LIFR: variants seen among roughly 807,000 people sequenced by gnomAD.
The protein encoded by LIFR is LIF receptor subunit alpha.
A neutral mutation model predicts 122.2 loss-of-function variants in LIFR; 84 were observed. The observed-to-expected ratio is 0.69, with a 90% confidence interval of 0.58 to 0.82. The LOEUF (loss-of-function observed/expected upper bound fraction) is 0.82, where lower values mean the gene tolerates loss of function less well. Ranked by LOEUF, LIFR falls within the 40% of genes least tolerant of loss-of-function variation. The pLI, the probability that LIFR is intolerant of heterozygous loss-of-function variation, is 0.00. For synonymous variants in LIFR, 422 were observed against 434.7 expected, an observed-to-expected ratio of 0.97 and a Z score of 0.36; for missense variants, 1,294 against 1,311.6, an observed-to-expected ratio of 0.99 and a Z score of 0.21.
At chr5:38,542,822 C>T (rs988923489) in intron 1 of LIFR, among the ~76,000 whole-genome samples, 4 of 152,248 alleles carry the variant, frequency 2.6e-5, no homozygotes, top group African/African-American at 9.6e-5. Context: ...ATCAACTCGT[C>T]CTTCAAATTT....
At chr5:38,505,834 A>ACG in intron 9 of LIFR, 71 bp downstream of exon 9, 1 of 972,680 alleles carries the variant, frequency 1.0e-6, no homozygotes, top group South Asian at 1.8e-5. Flanking sequence ...TAATCCCTAT[A>ACG]AGCATTTTTC....
chr5:38,556,809 G>A (rs993105583), upstream of LIFR: 3 of 149,908 alleles, frequency 2.0e-5, no homozygotes, highest in African/African-American at 7.3e-5. Context: ...CCAAGGAGTC[G>A]GAGGAACGCG....
rs1580051618 is a variant in LIFR at position 38,501,992 on chromosome 5, T to TA, written c.1600+644_1600+645insT. ...CTTTTTTAGTAATTGTTTTTTTTTT[T>TA]TAAAAAAAAGGCCAATGAGTTAAAA... On this transcript the variant is annotated intron_variant, in intron 11 of 19. Coordinates refer to ENST00000453190, the MANE Select transcript of LIFR (RefSeq NM_001127671.2). Among the ~76,000 whole-genome samples the TA allele has an allele frequency of 2.7e-5, 4 of 150,464 alleles. No homozygotes were observed. In the East Asian group the frequency reaches 6.3e-4, roughly 24 times the overall value.
At chr5:38,598,969 C>A (rs993892779), upstream of LIFR, among the ~76,000 whole-genome samples, 2 of 152,142 alleles carry the variant, frequency 1.3e-5, no homozygotes, top group Non-Finnish European at 2.9e-5. Context: ...CTATGATTAT[C>A]CTTATCTTGT....
chr5:38,519,456 G>T (rs1457551051), intron 5 of LIFR, among the ~76,000 whole-genome samples: 1 of 152,042 alleles, frequency 6.6e-6, no homozygotes, highest in African/African-American at 2.4e-5. Flanking sequence ...TATCATTTCT[G>T]TGTTGGGAAC....
At chr5:38,593,552 T>A (rs537889635) in intron 1 of LIFR, among the ~76,000 whole-genome samples, 3 of 152,200 alleles carry the variant, frequency 2.0e-5, no homozygotes, top group African/African-American at 7.2e-5. Context: ...AGGGCTGACA[T>A]AGAAGATGCA....
Position 38,578,497 on chromosome 5 carries a change from C to T in LIFR, c.-20+16764G>A, listed in dbSNP as rs555167371. Among the ~76,000 whole-genome samples, 78 of 152,010 alleles carry T rather than the reference C, an allele frequency of 5.1e-4. 1 individual carries two copies. The highest frequency in any genetic ancestry group is 1.8e-3 in the African/African-American group (74 of 41,466). The stretch of plus-strand genomic sequence containing the variant: ...CTCAGATTATAGGCATGAGACACCA[C>T]GCCCAACCAAGACTACTCATTTTTG... On this transcript the variant is annotated intron_variant, in intron 1 of 19. Transcript: ENST00000263409.
chr5:38,509,440 C>A (rs1242924334), intron 7 of LIFR, among the ~76,000 whole-genome samples: 1 of 152,218 alleles, frequency 6.6e-6, no homozygotes, highest in Admixed American at 6.5e-5. Flanking sequence ...AGCCATCAAG[C>A]TGAGACGAGC....
intron 1 of LIFR, among the ~76,000 whole-genome samples, chr5:38,534,683 T>C (rs920011937): frequency 6.6e-6 from 1 of 152,132 alleles, no homozygotes; most frequent in Non-Finnish European, 1.5e-5. Context: ...GTGGAGGCCA[T>C]ACACAAGGGC....
intron 5 of LIFR, among the ~76,000 whole-genome samples, chr5:38,522,442 GTTGA>G (rs1746453831): frequency 6.6e-6 from 1 of 152,204 alleles, no homozygotes; most frequent in Non-Finnish European, 1.5e-5. Context: ...TTGTAGAGAA[GTTGA>G]GTACGAGGTG....
In LIFR at chr5:38,480,719, T is replaced by C. The variant is rs1743943446; in HGVS notation, c.*876A>G. 1 of 210,100 alleles carries C rather than the reference T, an allele frequency of 4.8e-6. No homozygotes were observed. Among genetic ancestry groups the C allele is most frequent in the Non-Finnish European group, 9.7e-6 (1 of 103,564 alleles). 13.0% of individuals were successfully genotyped at this position (210,100 alleles called of 1,614,324 possible). On this transcript the variant is annotated 3_prime_UTR_variant, in exon 20 of 20. Transcript: ENST00000453190. ...ATAGTAAGTCACTGGAATTACATGC[T>C]TATGAATAATATTGAATTTGCTCAT...
chr5:38,555,834 C>T (rs1385450897), intron 1 of LIFR, among the ~76,000 whole-genome samples: 3 of 152,184 alleles, frequency 2.0e-5, no homozygotes, highest in Non-Finnish European at 2.9e-5. Flanking sequence ...CACAACATAA[C>T]AGAAATGGCA....
At chr5:38,540,571 G>A (rs1398933975) in intron 1 of LIFR, among the ~76,000 whole-genome samples, 5 of 152,150 alleles carry the variant, frequency 3.3e-5, no homozygotes, top group Non-Finnish European at 7.4e-5. Context: ...GAAATGACTG[G>A]AGCCATTCAC....
chr5:38,603,319 G>C (rs1750257884), intron 2 of LIFR, among the ~76,000 whole-genome samples: 1 of 152,208 alleles, frequency 6.6e-6, no homozygotes, highest in African/African-American at 2.4e-5. Context: ...TGAGGTTGCT[G>C]TAGACCTGTA....
In LIFR at chr5:38,550,829, G is replaced by A. The variant is rs570710041; in HGVS notation, c.-20+5505C>T. Among the ~76,000 whole-genome samples, 15 of 152,178 alleles carry A rather than the reference G, an allele frequency of 9.9e-5. No individual in the cohort carries two copies. The South Asian group carries it at 2.5e-3, about 25-fold the overall frequency. ...GCCAATCAGGACTCCTGGATTCTTC[G>A]GCAAATTATAACACCACCTCTGGGT... On this transcript the variant is annotated intron_variant, in intron 1 of 19. Coordinates refer to ENST00000453190, the MANE Select transcript of LIFR (RefSeq NM_001127671.2).
At chr5:38,490,700 A>G (rs1312566518) in intron 14 of LIFR, 1 of 153,116 alleles carries the variant, frequency 6.5e-6, no homozygotes, top group African/African-American at 2.4e-5. Flanking sequence ...CCCGGGTTCA[A>G]GTGATTCTCC....
chr5:38,517,600 G>A (rs1746153979), intron 5 of LIFR, among the ~76,000 whole-genome samples: 1 of 152,004 alleles, frequency 6.6e-6, no homozygotes, highest in African/African-American at 2.4e-5. Context: ...GCTCATGCCT[G>A]TAATCCCAGC....
At chr5:38,499,945 T>G (rs1369907367) in intron 11 of LIFR, among the ~76,000 whole-genome samples, 1 of 152,160 alleles carries the variant, frequency 6.6e-6, no homozygotes, top group African/African-American at 2.4e-5. Flanking sequence ...CCTCTCTTCC[T>G]CTGCCTACAA....
intron 1 of LIFR, among the ~76,000 whole-genome samples, chr5:38,571,466 A>C (rs1166424056): frequency 5.6e-5 from 8 of 142,188 alleles, no homozygotes. Flanking sequence ...GGGGCAGGAG[A>C]GTCACCTGAA....
Sources: allele counts gnomAD v4.1 joint callset (sites outside exome capture counted in the v4.1 genomes callset), GRCh38; gene constraint gnomAD v4.1.1; transcripts MANE v1.5; gene names NCBI Gene and HGNC (gene_info 2026-07-23, HGNC 2026-07-21).